The following PDGFD variants were observed in gnomAD, a reference collection of about 807,000 sequenced individuals.
The protein encoded by PDGFD is platelet derived growth factor D.
In PDGFD, 30 loss-of-function variants were observed where a neutral mutation model predicts 44.7. That is an observed-to-expected ratio of 0.67 (90% CI 0.50 to 0.91). PDGFD has a LOEUF of 0.91. Among genes scored for constraint, PDGFD ranks in the 40% least tolerant of loss-of-function variants. PDGFD has a pLI of 0.00. For missense variants in PDGFD, 445 were observed against 457.8 expected (o/e 0.97, Z 0.25); for synonymous variants, 173 against 168.4 (o/e 1.03, Z -0.21).
rs771642015 is a variant in PDGFD at position 104,037,048 on chromosome 11, C to T, written c.125-36793G>A. On this transcript the variant is annotated intron_variant, in intron 1 of 6. Transcript: ENST00000393158. ...AGATGGCGATATCGTGGTTTTACTGCAGAAGGACAATGTGGGACCTCGGGC... is the reference window on the plus strand; with the variant it reads ...AGATGGCGATATCGTGGTTTTACTGTAGAAGGACAATGTGGGACCTCGGGC... The T allele has an allele frequency of 1.9e-6, 3 of 1,614,244 alleles. No individual in the cohort carries two copies. In the South Asian group the frequency reaches 3.3e-5, roughly 18 times the overall value.
chr11:104,108,698 T>A (rs539040879), intron 1 of PDGFD, among the ~76,000 whole-genome samples: 155 of 152,312 alleles, frequency 1.0e-3, no homozygotes, highest in Non-Finnish European at 1.7e-3. Context: ...ATTCCATTAC[T>A]GGGTATATAC....
intron 3 of PDGFD, among the ~76,000 whole-genome samples, chr11:103,956,572 T>C (rs563041056): frequency 4.6e-5 from 7 of 151,660 alleles, no homozygotes; most frequent in Admixed American, 4.6e-4. Context: ...TTTGGGTATA[T>C]ATCCAGTAAT....
At chr11:103,930,312 G>C (rs1455981698) in intron 5 of PDGFD, among the ~76,000 whole-genome samples, 1 of 152,114 alleles carries the variant, frequency 6.6e-6, no homozygotes, top group Non-Finnish European at 1.5e-5. Context: ...GCTTTGAGAT[G>C]TAATAAGAAT....
At chr11:104,094,959 T>C (rs66525418) in intron 1 of PDGFD, among the ~76,000 whole-genome samples, 16,089 of 152,164 alleles carry the variant, frequency 0.11, 1,063 homozygotes, top group East Asian at 0.26. Flanking sequence ...CTGCTTCCAG[T>C]TCACGACGTA....
intron 1 of PDGFD, among the ~76,000 whole-genome samples, chr11:104,112,013 C>T (rs555362638): frequency 2.6e-5 from 4 of 152,194 alleles, no homozygotes; most frequent in East Asian, 1.9e-4. Flanking sequence ...CAAATAAGAA[C>T]GTAAAACCAA....
chr11:103,990,227 A>C (rs569967606), intron 3 of PDGFD, among the ~76,000 whole-genome samples: 1 of 152,326 alleles, frequency 6.6e-6, no homozygotes, highest in South Asian at 2.1e-4. Flanking sequence ...GGCACCAAGA[A>C]AATCATCACT....
At chr11:103,947,816 T>G in intron 3 of PDGFD, 92 bp from the exon 4 acceptor site, 1 of 950,428 alleles carries the variant, frequency 1.1e-6, no homozygotes, top group Middle Eastern at 2.2e-4. Flanking sequence ...TGAATCTTTT[T>G]CCAACTAAGT....
At chr11:104,043,962 G>A (rs1302709750) in intron 1 of PDGFD, among the ~76,000 whole-genome samples, 80 of 152,162 alleles carry the variant, frequency 5.3e-4, no homozygotes, top group Non-Finnish European at 2.9e-5. Flanking sequence ...ATCAGCAATT[G>A]TAAACAAATA....
chr11:104,087,608 A>G (rs1315305040), intron 1 of PDGFD, among the ~76,000 whole-genome samples: 3 of 152,208 alleles, frequency 2.0e-5, no homozygotes, highest in Admixed American at 6.5e-5. Context: ...CACAAAATCT[A>G]AAGTCAAGCG....
chr11:104,042,784 C>A (rs757799372), intron 1 of PDGFD, among the ~76,000 whole-genome samples: 1 of 152,204 alleles, frequency 6.6e-6, no homozygotes, highest in Non-Finnish European at 1.5e-5. Flanking sequence ...TCTTACCCTA[C>A]ACCATCAATC....
chr11:104,157,399 G>A (rs993789937), intron 1 of PDGFD, among the ~76,000 whole-genome samples: 1 of 152,086 alleles, frequency 6.6e-6, no homozygotes, highest in Non-Finnish European at 1.5e-5. Context: ...ACACAGAATG[G>A]GCCACGTCTC....
In PDGFD at chr11:104,046,219, C is replaced by A. The variant is rs1001758974; in HGVS notation, c.125-45964G>T. Among the ~76,000 whole-genome samples, 16 of 147,742 alleles carry A rather than the reference C, an allele frequency of 1.1e-4. 2 individuals carry two copies. The highest frequency in any genetic ancestry group is 3.4e-4 in the Admixed American group (5 of 14,764). ...GATGACATCAATTGGACATCAGAAGCAGATACAAGGCATCTTTTGTTACCT... is the reference window on the plus strand; with the variant it reads ...GATGACATCAATTGGACATCAGAAGAAGATACAAGGCATCTTTTGTTACCT... On this transcript the variant is annotated intron_variant, in intron 1 of 6. Transcript: ENST00000393158.
chr11:104,104,068 G>A (rs1213279074), intron 1 of PDGFD, among the ~76,000 whole-genome samples: 1 of 151,540 alleles, frequency 6.6e-6, no homozygotes, highest in Non-Finnish European at 1.5e-5. Context: ...GCAGGCCTAA[G>A]CTAATATGTT....
intron 1 of PDGFD, chr11:104,037,579 C>A (rs1565317395): frequency 6.2e-7 from 1 of 1,614,004 alleles, no homozygotes; most frequent in East Asian, 2.2e-5. Context: ...AGTGAATGGG[C>A]ATCCTTTGAA....
chr11:104,161,365 A>C (rs998547038), intron 1 of PDGFD, among the ~76,000 whole-genome samples: 1 of 152,214 alleles, frequency 6.6e-6, no homozygotes, highest in African/African-American at 2.4e-5. Context: ...CATTAGAAAA[A>C]TTTGGGAGAG....
chr11:104,110,038 T>C (rs11226166), intron 1 of PDGFD, among the ~76,000 whole-genome samples: 18,407 of 152,212 alleles, frequency 0.12, 1,365 homozygotes, highest in East Asian at 0.32. Flanking sequence ...AGGAATATTA[T>C]AAGTGTTAGC....
chr11:104,118,481 T>C (rs1187084620), intron 1 of PDGFD, among the ~76,000 whole-genome samples: 1 of 151,602 alleles, frequency 6.6e-6, no homozygotes, highest in Non-Finnish European at 1.5e-5. Flanking sequence ...TGTTATCTTG[T>C]AACCTAAACT....
At chr11:104,038,210 G>C in intron 1 of PDGFD, 1 of 601,378 alleles carries the variant, frequency 1.7e-6, no homozygotes, top group Non-Finnish European at 2.9e-6. Context: ...CCCTTGTCCA[G>C]AGATCACTGA....
At chr11:104,035,612 T>C (rs1405977297) in intron 1 of PDGFD, among the ~76,000 whole-genome samples, 1 of 150,782 alleles carries the variant, frequency 6.6e-6, no homozygotes, top group African/African-American at 2.4e-5. Flanking sequence ...ATTGATAATA[T>C]TTAATATTTA....
Sources: allele counts gnomAD v4.1 joint callset (sites outside exome capture counted in the v4.1 genomes callset), GRCh38; gene constraint gnomAD v4.1.1; transcripts MANE v1.5; gene names NCBI Gene and HGNC (gene_info 2026-07-23, HGNC 2026-07-21).